Variants in THSD4 observed in about 807,000 individuals in gnomAD.
THSD4 encodes thrombospondin type-1 domain-containing protein 4.
THSD4 carries 69 observed loss-of-function variants against 119.0 expected under a neutral mutation model. The ratio of observed to expected loss-of-function variants is 0.58; its 90% CI spans 0.48 to 0.71. The LOEUF is 0.71. THSD4 is among the 30% of genes least tolerant of loss of function. The probability of loss-of-function intolerance (pLI) is 0.00; values close to 1 mark genes in which losing one functional copy is unlikely to be tolerated. For synonymous variants in THSD4, 524 were observed against 540.4 expected (o/e 0.97, Z 0.42); for missense variants, 1,393 against 1,391.1 (o/e 1.00, Z -0.02).
intron 6 of THSD4, among the ~76,000 whole-genome samples, chr15:71,355,355 A>G (rs1417607427): frequency 6.6e-6 from 1 of 152,224 alleles, no homozygotes; most frequent in African/African-American, 2.4e-5. Context: ...AGAGCAAGAC[A>G]TGCTTTCCTC....
chr15:71,188,152 G>T (rs1214370759), intron 3 of THSD4, among the ~76,000 whole-genome samples: 1 of 152,190 alleles, frequency 6.6e-6, no homozygotes, highest in East Asian at 1.9e-4. Context: ...TCAAAACAAG[G>T]TAGAGATTGG....
At chr15:71,130,906 G>A (rs926000908) in intron 1 of THSD4, among the ~76,000 whole-genome samples, 3 of 152,034 alleles carry the variant, frequency 2.0e-5, no homozygotes, top group South Asian at 2.1e-4. Context: ...TACCACGCCC[G>A]TCTATTTTTT....
intron 4 of THSD4, among the ~76,000 whole-genome samples, chr15:71,226,482 A>T (rs533828927): frequency 6.6e-6 from 1 of 152,312 alleles, no homozygotes; most frequent in East Asian, 1.9e-4. Context: ...TTACCCACAC[A>T]TTCCCACCTC....
intron 4 of THSD4, among the ~76,000 whole-genome samples, chr15:71,217,991 T>C (rs1163946613): frequency 3.3e-5 from 5 of 152,026 alleles, no homozygotes; most frequent in African/African-American, 1.2e-4. Context: ...TTCACCTTGT[T>C]GGCCAGGCTG....
intron 6 of THSD4, among the ~76,000 whole-genome samples, chr15:71,309,274 T>G (rs1371584799): frequency 6.6e-6 from 1 of 152,214 alleles, no homozygotes; most frequent in African/African-American, 2.4e-5. Flanking sequence ...TGACTAATGT[T>G]GAGCATATTA....
intron 6 of THSD4, among the ~76,000 whole-genome samples, chr15:71,299,191 C>G (rs533648257): frequency 7.0e-4 from 106 of 152,244 alleles, no homozygotes; most frequent in Non-Finnish European, 8.8e-4. Context: ...AAAACTTAAG[C>G]CATTTGCAGT....
rs71438517 is a variant in THSD4 at position 71,524,587 on chromosome 15, C to CTTTTTT, written c.1152+112787_1152+112792dup. On this transcript the variant is annotated intron_variant, in intron 7 of 17. Transcript: ENST00000261862. ...TAAGAGCCCTTCTTGGTTTATGCCT[C>CTTTTTT]TTTTTTTTTTTTTTTTTTTTTTTTT... Among the ~76,000 whole-genome samples, 82 of 59,522 alleles carry CTTTTTT rather than the reference C, an allele frequency of 1.4e-3. 8 individuals are homozygous for CTTTTTT. The highest frequency in any genetic ancestry group is 1.9e-3 in the Non-Finnish European group (61 of 31,978). 39.0% of individuals were successfully genotyped at this position (59,522 alleles called of 152,430 possible). A position where few individuals can be genotyped will look rare whatever the true frequency, so the allele number is the denominator to read the frequency against.
rs566060307 is a variant in THSD4 at position 71,241,298 on chromosome 15, T to G, written c.465-1351T>G. Among the ~76,000 whole-genome samples the G allele has an allele frequency of 2.2e-4, 33 of 152,344 alleles. 1 individual carries two copies. The South Asian group carries it at 6.4e-3, about 30-fold the overall frequency. ...AGTAAGTAAGAGTTAGTTGACTTACTTAAGTCCTTCCACAGAGATTTGGAA... is the reference window on the plus strand; with the variant it reads ...AGTAAGTAAGAGTTAGTTGACTTACGTAAGTCCTTCCACAGAGATTTGGAA... On this transcript the variant is annotated intron_variant, in intron 4 of 17. Coordinates refer to ENST00000261862, the MANE Select transcript of THSD4 (RefSeq NM_024817.3).
intron 6 of THSD4, among the ~76,000 whole-genome samples, chr15:71,369,514 G>A (rs993424105): frequency 5.6e-4 from 86 of 152,234 alleles, no homozygotes; most frequent in Non-Finnish European, 1.0e-3. Flanking sequence ...TTTGTCAAAG[G>A]CCTTTTCTGC....
At chr15:71,516,844 C>G (rs1485844869) in intron 7 of THSD4, among the ~76,000 whole-genome samples, 1 of 152,170 alleles carries the variant, frequency 6.6e-6, no homozygotes, top group South Asian at 2.1e-4. Flanking sequence ...TCTCACTTCT[C>G]CCTTTGATAT....
intron 16 of THSD4, among the ~76,000 whole-genome samples, chr15:71,768,266 A>ACAAAAAAAAC (rs994105216): frequency 2.2e-5 from 2 of 89,598 alleles, no homozygotes; most frequent in African/African-American, 6.2e-5. Context: ...AAGTAGTCTC[A>ACAAAAAAAAC]CAAAAAAAAC....
chr15:71,755,207 T>C (rs1567137425), intron 14 of THSD4, among the ~76,000 whole-genome samples: 1 of 152,194 alleles, frequency 6.6e-6, no homozygotes, highest in Non-Finnish European at 1.5e-5. Context: ...TATTTTGGGG[T>C]GGCATGTTCT....
At chr15:71,548,830 A>C (rs1316059384) in intron 7 of THSD4, among the ~76,000 whole-genome samples, 1 of 152,262 alleles carries the variant, frequency 6.6e-6, no homozygotes, top group East Asian at 1.9e-4. Context: ...GCGAGAGGAG[A>C]GCTCATATGG....
chr15:71,280,458 G>A (rs1042845382), intron 6 of THSD4, among the ~76,000 whole-genome samples: 3 of 152,176 alleles, frequency 2.0e-5, no homozygotes, highest in Admixed American at 6.5e-5. Context: ...TAAATAATTT[G>A]AAAATTTGGC....
intron 1 of THSD4, among the ~76,000 whole-genome samples, chr15:71,123,943 C>T (rs540808965): frequency 6.6e-6 from 1 of 152,260 alleles, no homozygotes; most frequent in South Asian, 2.1e-4. Flanking sequence ...TATGGTCGCA[C>T]TCTCTCTCAC....
rs559376380 is a variant in THSD4 at position 71,498,676 on chromosome 15, G to A, written c.1152+86853G>A. The stretch of plus-strand genomic sequence containing the variant: ...TGCCTTTTGCATGGATCCTGCACAC[G>A]GCAACCAAGTTAATCTTTTTTTTGT... On this transcript the variant is annotated intron_variant, in intron 7 of 17. Transcript: ENST00000261862. Among the ~76,000 whole-genome samples the A allele has an allele frequency of 6.6e-5, 10 of 151,966 alleles. No homozygotes were observed. The South Asian group carries it at 1.0e-3, about 16-fold the overall frequency.
chr15:71,537,400 C>T (rs1387323118), intron 7 of THSD4, among the ~76,000 whole-genome samples: 1 of 152,126 alleles, frequency 6.6e-6, no homozygotes, highest in Non-Finnish European at 1.5e-5. Flanking sequence ...CCTTTGTCCT[C>T]AGCCCATCTG....
chr15:71,586,767 G>A (rs1412779716), intron 7 of THSD4, among the ~76,000 whole-genome samples: 1 of 152,198 alleles, frequency 6.6e-6, no homozygotes, highest in Admixed American at 6.5e-5. Flanking sequence ...AGGGTATGCA[G>A]TACAGCAGAA....
At chr15:71,657,169 C>T (rs942412667) in intron 7 of THSD4, among the ~76,000 whole-genome samples, 46 of 152,324 alleles carry the variant, frequency 3.0e-4, no homozygotes, top group Middle Eastern at 6.8e-3. Context: ...CTGATTGCTC[C>T]TGTTAGACTC....
Sources: gnomAD v4.1 joint callset for allele counts (sites outside exome capture counted in the v4.1 genomes callset) on GRCh38, gnomAD v4.1.1 for gene constraint, MANE v1.5 for transcripts, NCBI Gene and HGNC (gene_info 2026-07-23, HGNC 2026-07-21) for gene names.